The following PTPRN2 variants were observed in gnomAD, a reference collection of about 807,000 sequenced individuals.
PTPRN2 encodes receptor-type tyrosine-protein phosphatase N2.
PTPRN2 carries 74 observed loss-of-function variants against 118.8 expected under a neutral mutation model. That is an observed-to-expected ratio of 0.62 (90% confidence interval 0.52 to 0.76). The LOEUF is 0.76. Among genes scored for constraint, PTPRN2 ranks in the 30% least tolerant of loss-of-function variants. The pLI is 0.00. For missense variants in PTPRN2, 1,481 were observed against 1,394.4 expected (o/e 1.06, Z -0.99); for synonymous variants, 641 against 608.0 (o/e 1.05, Z -0.80).
At chr7:157,954,607 G>A (rs1801067676) in intron 11 of PTPRN2, among the ~76,000 whole-genome samples, 1 of 151,846 alleles carries the variant, frequency 6.6e-6, no homozygotes, top group Non-Finnish European at 1.5e-5. Flanking sequence ...TGTGTGTGTG[G>A]TGTGGGTTGT....
chr7:157,744,979 T>C (rs369966174), intron 12 of PTPRN2, among the ~76,000 whole-genome samples: 1 of 152,140 alleles, frequency 6.6e-6, no homozygotes, highest in South Asian at 2.1e-4. Flanking sequence ...TCTGCCTCCA[T>C]GAAATGTGGG....
In PTPRN2 at chr7:157,986,073, G is replaced by C. The variant is rs1159707532; in HGVS notation, c.1724-87336C>G. Among the ~76,000 whole-genome samples the C allele has an allele frequency of 6.6e-6, 1 of 152,210 alleles. No homozygotes were observed. Among genetic ancestry groups the C allele is most frequent in the Non-Finnish European group, 1.5e-5 (1 of 68,050 alleles). The stretch of plus-strand genomic sequence containing the variant: ...ACAAACACACTTCCTGCTTCCAGAT[G>C]GATGGAGGTGGGAGGAGGGAGGGGT... On this transcript the variant is annotated intron_variant, in intron 11 of 22. Coordinates refer to ENST00000389418, the MANE Select transcript of PTPRN2 (RefSeq NM_002847.5). This position sits in a 1 kb window ranked among gnomAD's most constrained non-coding sequence, Gnocchi z 4.5.
chr7:157,670,503 G>C (rs1796355989), intron 13 of PTPRN2, among the ~76,000 whole-genome samples: 1 of 152,192 alleles, frequency 6.6e-6, no homozygotes, highest in South Asian at 2.1e-4. Context: ...TTCTGTGATG[G>C]TCTTTAATGC....
chr7:157,540,941 A>T (rs534652141), intron 22 of PTPRN2, among the ~76,000 whole-genome samples, 156 bp from the exon 23 acceptor site: 1 of 152,366 alleles, frequency 6.6e-6, no homozygotes, highest in Non-Finnish European at 1.5e-5. Context: ...TTTAGCAAAA[A>T]AAAGCAAAAG....
At chr7:157,757,223 T>G (rs540774178) in intron 12 of PTPRN2, among the ~76,000 whole-genome samples, 9 of 148,168 alleles carry the variant, frequency 6.1e-5, no homozygotes, top group African/African-American at 2.0e-4. Flanking sequence ...CACAGCAGAA[T>G]TGGCCATGGG....
intron 3 of PTPRN2, among the ~76,000 whole-genome samples, chr7:158,270,832 A>ACCACCCCCAACC (rs1491217373): frequency 1.9e-4 from 1 of 5,170 alleles, no homozygotes; most frequent in Admixed American, 1.4e-3. Context: ...CTCCACCTGG[A>ACCACCCCCAACC]TGACCCCCTC....
At chr7:157,913,437 C>CAA (rs1388235769) in intron 11 of PTPRN2, among the ~76,000 whole-genome samples, 1 of 152,208 alleles carries the variant, frequency 6.6e-6, no homozygotes, top group African/African-American at 2.4e-5. Context: ...GATCCTCCTA[C>CAA]AAATGCTTGT....
At chr7:158,096,898 G>A (rs970415835) in intron 10 of PTPRN2, among the ~76,000 whole-genome samples, 3 of 152,194 alleles carry the variant, frequency 2.0e-5, no homozygotes, top group African/African-American at 4.8e-5. Context: ...TTCTCACTGC[G>A]GGGGCTCTTG....
At chr7:158,319,495 C>G (rs1462552694) in intron 2 of PTPRN2, among the ~76,000 whole-genome samples, 2 of 32,616 alleles carry the variant, frequency 6.1e-5, no homozygotes, top group Admixed American at 2.6e-4. Context: ...CCCTCACACT[C>G]ACACAGCCTC....
chr7:157,639,637 G>A (rs543592157), intron 14 of PTPRN2, among the ~76,000 whole-genome samples: 1 of 152,388 alleles, frequency 6.6e-6, no homozygotes, highest in East Asian at 1.9e-4. Flanking sequence ...TCAAGCCCTG[G>A]GTGGAAGGCA....
chr7:158,319,371 C>T (rs567334070), intron 2 of PTPRN2, among the ~76,000 whole-genome samples: 5 of 150,630 alleles, frequency 3.3e-5, no homozygotes, highest in African/African-American at 1.2e-4. Flanking sequence ...CATGCATCCT[C>T]ACACATGCAC....
At chr7:157,635,063 C>A (rs1804226386) in intron 14 of PTPRN2, among the ~76,000 whole-genome samples, 5 of 152,250 alleles carry the variant, frequency 3.3e-5, no homozygotes, top group Admixed American at 3.3e-4. Flanking sequence ...CTCCTGTCCA[C>A]AGCGACACGG....
rs1419631615 is a variant in PTPRN2 at position 157,784,513 on chromosome 7, C to T, written c.1789-101576G>A. On this transcript the variant is annotated intron_variant, in intron 12 of 22. Transcript: ENST00000389418. This position sits in a 1 kb window ranked among gnomAD's most constrained non-coding sequence, Gnocchi z 4.6. ...TGCCCTGCAGGAACCACCTCAGCCTCAGCCTCAGCGCTGGAGAGAAAGCCC... is the reference window on the plus strand; with the variant it reads ...TGCCCTGCAGGAACCACCTCAGCCTTAGCCTCAGCGCTGGAGAGAAAGCCC... Among the ~76,000 whole-genome samples the T allele has an allele frequency of 6.6e-6, 1 of 152,224 alleles. No individual in the cohort carries two copies. Among genetic ancestry groups the T allele is most frequent in the African/African-American group, 2.4e-5 (1 of 41,464 alleles).
At chr7:157,620,106 C>T (rs1012164151) in intron 15 of PTPRN2, among the ~76,000 whole-genome samples, 5 of 152,214 alleles carry the variant, frequency 3.3e-5, no homozygotes, top group African/African-American at 9.7e-5. Flanking sequence ...CCCACACTGT[C>T]ATTTATCATT....
Position 158,302,713 on chromosome 7 carries a change from A to C in PTPRN2, c.277+14106T>G, listed in dbSNP as rs1057122334. ...TAAACTCCATCCGGACTCCAAGGCC[A>C]CCCTGTTGTCTCTCCACAATCAATG... On this transcript the variant is annotated intron_variant, in intron 3 of 22. Transcript: ENST00000389418. Among the ~76,000 whole-genome samples, 4 of 152,348 alleles carry C rather than the reference A, an allele frequency of 2.6e-5. No individual in the cohort carries two copies. The East Asian group carries it at 7.7e-4, about 29-fold the overall frequency.
chr7:157,970,509 C>T (rs1007172690), intron 11 of PTPRN2, among the ~76,000 whole-genome samples: 2 of 152,186 alleles, frequency 1.3e-5, no homozygotes, highest in African/African-American at 4.8e-5. Flanking sequence ...GTGCCAGAGC[C>T]ACGCTGATGG....
chr7:158,272,065 T>A lies in PTPRN2; in HGVS notation c.277+44754A>T, dbSNP rs572870355. On this transcript the variant is annotated intron_variant, in intron 3 of 22. Coordinates refer to ENST00000389418, the MANE Select transcript of PTPRN2 (RefSeq NM_002847.5). The stretch of plus-strand genomic sequence containing the variant: ...AAAAGACGGTCAGGTTGTTCCCTCC[T>A]CATTTAAGCCAATTTTAAAACGATT... 1.2e-3 allele frequency among the ~76,000 whole-genome samples: 187 copies of A among 152,344 alleles called. 1 individual carries two copies. Among genetic ancestry groups the A allele is most frequent in the Admixed American group, 3.5e-3 (53 of 15,304 alleles).
At chr7:157,906,503 C>T (rs184493195) in intron 11 of PTPRN2, among the ~76,000 whole-genome samples, 8 of 152,356 alleles carry the variant, frequency 5.3e-5, no homozygotes, top group African/African-American at 1.7e-4. Context: ...AGGGGCCCCA[C>T]CTTCCCTCGG....
At chr7:157,872,166 A>C (rs1223097208) in intron 12 of PTPRN2, among the ~76,000 whole-genome samples, 7 of 61,818 alleles carry the variant, frequency 1.1e-4, no homozygotes, top group Admixed American at 1.8e-4. Flanking sequence ...GCGCCTCCCC[A>C]CACACACATA....
Sources: gnomAD v4.1 joint callset for allele counts (sites outside exome capture counted in the v4.1 genomes callset) on GRCh38, gnomAD v4.1.1 for gene constraint, Gnocchi (gnomAD v3.1) non-coding constraint, MANE v1.5 for transcripts, NCBI Gene and HGNC (gene_info 2026-07-23, HGNC 2026-07-21) for gene names.